Variants in CYP2C19 observed in about 807,000 individuals in gnomAD.
The protein encoded by CYP2C19 is cytochrome P450 2C19.
A neutral mutation model predicts 40.9 loss-of-function variants in CYP2C19; 59 were observed. The observed-to-expected ratio is 1.44, with a 90% CI of 1.17 to 1.79. The LOEUF (loss-of-function observed/expected upper bound fraction) is 1.79, where lower values mean the gene tolerates loss of function less well. Ranked by LOEUF, CYP2C19 falls within the 40% of genes most tolerant of loss-of-function variation. The probability of loss-of-function intolerance (pLI) is 0.00; values close to 1 mark genes in which losing one functional copy is unlikely to be tolerated. For synonymous variants in CYP2C19, 253 were observed against 208.7 expected, an observed-to-expected ratio of 1.21 and a Z score of -1.83; for missense variants, 754 against 596.9, an observed-to-expected ratio of 1.26 and a Z score of -2.74.
At chr10:94,822,476 G>C (rs934998979) in intron 6 of CYP2C19, among the ~76,000 whole-genome samples, 3 of 152,148 alleles carry the variant, frequency 2.0e-5, no homozygotes, top group African/African-American at 7.2e-5. Context: ...GTCTACTGTT[G>C]ATGGGCACTT....
At chr10:94,773,866 T>C (rs1043267598) in intron 1 of CYP2C19, 12 of 152,194 alleles carry the variant, frequency 7.9e-5, no homozygotes, top group Admixed American at 7.9e-4. Context: ...CACTGCTGGC[T>C]TGGGTGGCCA....
intron 1 of CYP2C19, among the ~76,000 whole-genome samples, chr10:94,772,886 A>T (rs923067356): frequency 5.3e-5 from 8 of 152,084 alleles, no homozygotes; most frequent in African/African-American, 1.9e-4. Flanking sequence ...GGTTCATGCC[A>T]TTCTCCTGCC....
At chr10:94,848,627 G>A (rs535309961) in intron 7 of CYP2C19, among the ~76,000 whole-genome samples, 1 of 152,302 alleles carries the variant, frequency 6.6e-6, no homozygotes, top group East Asian at 1.9e-4. Flanking sequence ...GTCATTGGTA[G>A]CTTGATGGGG....
chr10:94,807,638 T>C (rs1337671907), intron 5 of CYP2C19, among the ~76,000 whole-genome samples: 1 of 152,146 alleles, frequency 6.6e-6, no homozygotes, highest in East Asian at 1.9e-4. Flanking sequence ...TCCTTGCTGA[T>C]ATAATCATAA....
chr10:94,842,695 A>C, intron 6 of CYP2C19, 142 bp from the exon 7 acceptor site: 1 of 953,358 alleles, frequency 1.0e-6, no homozygotes. Flanking sequence ...TCCTCTCTTT[A>C]AGTTACACAT....
chr10:94,792,920 G>A (rs184155762), intron 5 of CYP2C19, among the ~76,000 whole-genome samples: 119 of 152,250 alleles, frequency 7.8e-4, no homozygotes, highest in Middle Eastern at 3.4e-3. Flanking sequence ...GGTTGGGGAA[G>A]TTCTCCTGGA....
chr10:94,820,612 C>T lies in CYP2C19; in HGVS notation c.936C>T (p.Leu312=), dbSNP rs767006593. The T allele has an allele frequency of 4.9e-5, 79 of 1,614,042 alleles. No individual in the cohort carries two copies. Among genetic ancestry groups the T allele is most frequent in the Non-Finnish European group, 6.4e-5 (75 of 1,180,028 alleles). ...CAACCCTGAGATATGCTCTCCTTCTCCTGCTGAAGCACCCAGAGGTCACAG... is the reference window on the plus strand; with the variant it reads ...CAACCCTGAGATATGCTCTCCTTCTTCTGCTGAAGCACCCAGAGGTCACAG... ...TSTTLRYALL[L]LLKHPEVTAK... The change falls in exon 6 of 9, where the codon CTC becomes CTT. Residue 312 remains leucine, a synonymous_variant. Coordinates refer to ENST00000371321, the MANE Select transcript of CYP2C19 (RefSeq NM_000769.4).
At chr10:94,822,318 G>A (rs1849137068) in intron 6 of CYP2C19, among the ~76,000 whole-genome samples, 1 of 152,082 alleles carries the variant, frequency 6.6e-6, no homozygotes, top group South Asian at 2.1e-4. Context: ...GAACAGCATG[G>A]GAACACCCTG....
At chr10:94,772,931 G>A (rs4447102) in intron 1 of CYP2C19, among the ~76,000 whole-genome samples, 30,453 of 151,982 alleles carry the variant, frequency 0.2, 3,252 homozygotes, top group Middle Eastern at 0.23. Flanking sequence ...ACAGGCGCCC[G>A]CCACCGCGCC....
At chr10:94,769,619 T>A in intron 1 of CYP2C19, among the ~76,000 whole-genome samples, 1 of 152,144 alleles carries the variant, frequency 6.6e-6, no homozygotes, top group Admixed American at 6.5e-5. Context: ...CTCCTAGAAT[T>A]GGGGTGTCGC....
intron 7 of CYP2C19, among the ~76,000 whole-genome samples, chr10:94,844,969 C>T (rs1849550529): frequency 6.6e-6 from 1 of 152,174 alleles, no homozygotes; most frequent in Non-Finnish European, 1.5e-5. Flanking sequence ...ACCTGCAGGG[C>T]AGCTCATGCT....
chr10:94,831,411 G>T (rs1449441943), intron 6 of CYP2C19, among the ~76,000 whole-genome samples: 1 of 152,066 alleles, frequency 6.6e-6, no homozygotes, highest in African/African-American at 2.4e-5. Context: ...AGGGTTGTTG[G>T]TAGTTTTATT....
chr10:94,820,187 A>G (rs1379435488), intron 5 of CYP2C19, among the ~76,000 whole-genome samples: 1 of 152,032 alleles, frequency 6.6e-6, no homozygotes, highest in Non-Finnish European at 1.5e-5. Context: ...ACAAAATTCA[A>G]CAACCCTTCA....
At chr10:94,827,978 G>A (rs535998637) in intron 6 of CYP2C19, among the ~76,000 whole-genome samples, 7 of 151,968 alleles carry the variant, frequency 4.6e-5, no homozygotes, top group African/African-American at 1.7e-4. Context: ...GCGGTTTTGA[G>A]TGAGTTTCTT....
chr10:94,773,446 G>A (rs148653810), intron 1 of CYP2C19, among the ~76,000 whole-genome samples: 1 of 152,024 alleles, frequency 6.6e-6, no homozygotes, highest in South Asian at 2.1e-4. Context: ...TATTACAGCT[G>A]TTAAAGATGG....
intron 5 of CYP2C19, among the ~76,000 whole-genome samples, chr10:94,820,104 G>C: frequency 6.6e-6 from 1 of 151,394 alleles, no homozygotes; most frequent in Non-Finnish European, 1.5e-5. Context: ...ATCAATAAAT[G>C]TAATCCAGCA....
At chr10:94,813,104 T>A (rs1034503286) in intron 5 of CYP2C19, among the ~76,000 whole-genome samples, 1 of 152,096 alleles carries the variant, frequency 6.6e-6, no homozygotes, top group African/African-American at 2.4e-5. Context: ...TTTGCTAGTT[T>A]TTTTCCTAAC....
chr10:94,786,937 TGAATAGTGCA>T (rs531686892), intron 5 of CYP2C19, among the ~76,000 whole-genome samples: 205 of 152,260 alleles, frequency 1.3e-3, no homozygotes, highest in Admixed American at 1.8e-3. Context: ...TTTGCTATTG[TGAATAGTGCA>T]GAGATGGACA....
At chr10:94,795,338 C>A (rs1180048968) in intron 5 of CYP2C19, among the ~76,000 whole-genome samples, 2 of 151,802 alleles carry the variant, frequency 1.3e-5, no homozygotes, top group African/African-American at 4.8e-5. Context: ...TGAACTCATC[C>A]TTTTTTAAGG....
Sources: allele counts gnomAD v4.1 joint callset (sites outside exome capture counted in the v4.1 genomes callset), GRCh38; gene constraint gnomAD v4.1.1; transcripts MANE v1.5; gene names NCBI Gene and HGNC (gene_info 2026-07-23, HGNC 2026-07-21).